The following CELF2 variants were observed in gnomAD, a reference collection of about 807,000 sequenced individuals.
The protein encoded by CELF2 is CUGBP Elav-like family member 2.
A neutral mutation model predicts 62.6 loss-of-function variants in CELF2; 8 were observed. The observed-to-expected ratio is 0.13, with a 90% CI of 0.07 to 0.23. CELF2 has a LOEUF of 0.23. CELF2 is among the 10% of genes least tolerant of loss of function. The pLI, the probability that CELF2 is intolerant of heterozygous loss-of-function variation, is 1.00. For synonymous variants in CELF2, 258 were observed against 250.0 expected, an observed-to-expected ratio of 1.03 and a Z score of -0.30; for missense variants, 333 against 671.0, an observed-to-expected ratio of 0.50 and a Z score of 5.56.
intron 1 of CELF2, among the ~76,000 whole-genome samples, chr10:11,044,872 A>C (rs1278646845): frequency 6.6e-6 from 1 of 152,218 alleles, no homozygotes; most frequent in Non-Finnish European, 1.5e-5. Flanking sequence ...ATATTGACAA[A>C]ATATGTCCAC....
intron 2 of CELF2, among the ~76,000 whole-genome samples, chr10:10,925,501 T>G (rs1272160328): frequency 6.6e-6 from 1 of 151,930 alleles, no homozygotes; most frequent in Admixed American, 6.6e-5. Flanking sequence ...TCTGAAGTGG[T>G]TCAGTGGCAT....
At chr10:10,951,207 G>A (rs376434246) in intron 2 of CELF2, among the ~76,000 whole-genome samples, 25 of 152,148 alleles carry the variant, frequency 1.6e-4, no homozygotes, top group East Asian at 1.2e-3. Flanking sequence ...CTGGAGATAC[G>A]ATCATAGTTC....
chr10:11,144,560 A>G (rs574179105), intron 1 of CELF2, among the ~76,000 whole-genome samples: 85 of 151,954 alleles, frequency 5.6e-4, no homozygotes, highest in Non-Finnish European at 1.1e-3. Flanking sequence ...TTCAGGAACA[A>G]ACTTTCAAAA....
intron 2 of CELF2, among the ~76,000 whole-genome samples, chr10:10,996,480 C>T (rs1327782435): frequency 2.0e-5 from 3 of 152,184 alleles, no homozygotes; most frequent in Admixed American, 2.0e-4. Context: ...GCTAGGCTGC[C>T]TTCGTGGGTT....
chr10:11,250,194 C>G (rs1018235995), intron 4 of CELF2, among the ~76,000 whole-genome samples: 1 of 152,174 alleles, frequency 6.6e-6, no homozygotes, highest in African/African-American at 2.4e-5. Context: ...CTGCCAGCAC[C>G]CGACTTGTCA....
At chr10:10,800,747 AT>A (rs886526147) in intron 1 of CELF2, among the ~76,000 whole-genome samples, 137 of 151,994 alleles carry the variant, frequency 9.0e-4, no homozygotes, top group African/African-American at 3.1e-3. Context: ...TCCTTCAGTG[AT>A]TTTTTTTCTG....
At chr10:10,619,652 G>A in the CELF2 span, among the ~76,000 whole-genome samples, 9 of 152,292 alleles carry the variant, frequency 5.9e-5, no homozygotes, top group South Asian at 1.9e-3. Flanking sequence ...TGACCACTGA[G>A]TTACAGGGCT....
At chr10:11,189,045 C>T (rs1207325151) in intron 2 of CELF2, among the ~76,000 whole-genome samples, 1 of 152,062 alleles carries the variant, frequency 6.6e-6, no homozygotes, top group Non-Finnish European at 1.5e-5. Flanking sequence ...TTTTTTGAGT[C>T]CTTGTCTGCT....
At chr10:11,067,007 TATA>T (rs2068357906) in intron 1 of CELF2, among the ~76,000 whole-genome samples, 1 of 152,158 alleles carries the variant, frequency 6.6e-6, no homozygotes, top group Non-Finnish European at 1.5e-5. Flanking sequence ...AGGTAGAAAT[TATA>T]ATGAGGGACC....
intron 2 of CELF2, among the ~76,000 whole-genome samples, chr10:11,200,959 G>A (rs1231148442): frequency 6.6e-6 from 1 of 152,154 alleles, no homozygotes; most frequent in East Asian, 1.9e-4. Flanking sequence ...TCTCTCAAAC[G>A]GGTCAGTTTT....
chr10:10,861,080 C>T (rs1257517278), intron 1 of CELF2, among the ~76,000 whole-genome samples: 1 of 152,098 alleles, frequency 6.6e-6, no homozygotes, highest in African/African-American at 2.4e-5. Flanking sequence ...TCCACCATAC[C>T]CAGCTAAGAA....
chr10:11,173,393 A>G (rs1426917403), intron 2 of CELF2, among the ~76,000 whole-genome samples: 1 of 152,220 alleles, frequency 6.6e-6, no homozygotes, highest in Non-Finnish European at 1.5e-5. Context: ...TCGGGTTGAA[A>G]GGTTTACTTG....
chr10:10,514,002 C>G, the CELF2 span, among the ~76,000 whole-genome samples: 1 of 152,192 alleles, frequency 6.6e-6, no homozygotes, highest in South Asian at 2.1e-4. Context: ...CTTCCTCTTG[C>G]CAGCAATGGA....
the CELF2 span, among the ~76,000 whole-genome samples, chr10:10,545,406 A>G: frequency 6.6e-6 from 1 of 152,306 alleles, no homozygotes; most frequent in African/African-American, 2.4e-5. Context: ...TTCTGCCTAC[A>G]ATCAAAAGAA....
chr10:10,584,726 A>G, the CELF2 span, among the ~76,000 whole-genome samples: 1 of 152,214 alleles, frequency 6.6e-6, no homozygotes, highest in Non-Finnish European at 1.5e-5. Flanking sequence ...ATGTTATCTA[A>G]TATAACTTTC....
Position 11,159,123 on chromosome 10 carries a change from G to A in CELF2, c.75-6363G>A, listed in dbSNP as rs371780821. Among the ~76,000 whole-genome samples, 2 of 152,168 alleles carry A rather than the reference G, an allele frequency of 1.3e-5. No homozygotes were observed. The highest frequency in any genetic ancestry group is 4.1e-4 in the South Asian group (2 of 4,826). ...GCTGATGTGTGGCCATCTCAGAGAT[G>A]GTTTGGGGCCTCATTCCATAATTTA... is the stretch of plus-strand genomic sequence containing the variant. On this transcript the variant is annotated intron_variant, in intron 1 of 12. Transcript: ENST00000633077. The surrounding 1 kb of genome is among the most constrained non-coding windows in gnomAD (Gnocchi z 5.0).
chr10:10,546,787 T>C, the CELF2 span, among the ~76,000 whole-genome samples: 1 of 151,954 alleles, frequency 6.6e-6, no homozygotes, highest in Non-Finnish European at 1.5e-5. Flanking sequence ...TTTTTTTTTT[T>C]CTTTTTTTCC....
chr10:10,756,255 A>G, the CELF2 span, among the ~76,000 whole-genome samples: 1 of 152,196 alleles, frequency 6.6e-6, no homozygotes. Context: ...ATATTCTCAT[A>G]CAGCAGACCT....
At chr10:10,813,986 A>G (rs1381856984) in intron 1 of CELF2, among the ~76,000 whole-genome samples, 2 of 151,986 alleles carry the variant, frequency 1.3e-5, no homozygotes, top group South Asian at 2.1e-4. Flanking sequence ...AGAGAGAGAG[A>G]GCTGGGTTTG....
Sources: gnomAD v4.1 joint callset for allele counts (sites outside exome capture counted in the v4.1 genomes callset) on GRCh38, gnomAD v4.1.1 for gene constraint, Gnocchi (gnomAD v3.1) non-coding constraint, MANE v1.5 for transcripts, NCBI Gene and HGNC (gene_info 2026-07-23, HGNC 2026-07-21) for gene names.